Variants in ITPR2 observed in about 807,000 individuals in gnomAD.
ITPR2 encodes the protein inositol 1,4,5-trisphosphate receptor type 2, also known as inositol 1,4,5-trisphosphate-gated calcium channel ITPR2.
Under a neutral mutation model 317.1 loss-of-function variants are expected in ITPR2, and 207 were observed. The observed-to-expected ratio is 0.65, with a 90% CI of 0.58 to 0.73. ITPR2 has a LOEUF of 0.73. Ranked by LOEUF, ITPR2 falls within the 30% of genes least tolerant of loss-of-function variation. ITPR2 has a pLI of 0.00. For synonymous variants in ITPR2, 1,156 were observed against 1,149.1 expected, an observed-to-expected ratio of 1.01 and a Z score of -0.12; for missense variants, 2,613 against 3,284.0, an observed-to-expected ratio of 0.80 and a Z score of 4.99.
rs758860629 is a variant in ITPR2 at position 26,349,016 on chromosome 12, C to T, written c.7858-8688G>A. Among the ~76,000 whole-genome samples, 49 of 152,094 alleles carry T rather than the reference C, an allele frequency of 3.2e-4. No individual in the cohort carries two copies. In the Middle Eastern group the frequency reaches 0.014, roughly 42 times the overall value. On this transcript the variant is annotated intron_variant, in intron 55 of 56. Transcript: ENST00000381340. Reference sequence around the variant, plus strand: ...TTAAACAATTAACTGTGTGTGGTGGCGCACACCTATAGTCCAAGCTACTTG... The same window carrying T: ...TTAAACAATTAACTGTGTGTGGTGGTGCACACCTATAGTCCAAGCTACTTG...
intron 48 of ITPR2, among the ~76,000 whole-genome samples, chr12:26,430,642 T>C (rs894619076): frequency 6.6e-6 from 1 of 152,252 alleles, no homozygotes; most frequent in South Asian, 2.1e-4. Context: ...TAATACTTTA[T>C]ATATGTATCC....
intron 34 of ITPR2, among the ~76,000 whole-genome samples, chr12:26,573,222 G>A (rs1945205287): frequency 6.6e-6 from 1 of 151,944 alleles, no homozygotes; most frequent in Non-Finnish European, 1.5e-5. Context: ...TGCTGGGATT[G>A]TAGGCATGAG....
At chr12:26,352,612 C>T (rs1458989482) in intron 55 of ITPR2, among the ~76,000 whole-genome samples, 1 of 152,196 alleles carries the variant, frequency 6.6e-6, no homozygotes, top group East Asian at 1.9e-4. Context: ...GGTGATACCA[C>T]AGTAATGTCT....
chr12:26,499,302 T>G (rs1284451994), intron 37 of ITPR2, among the ~76,000 whole-genome samples: 4 of 152,214 alleles, frequency 2.6e-5, no homozygotes, highest in East Asian at 3.8e-4. Flanking sequence ...TATTCAATTA[T>G]AGCCCCATTA....
intron 37 of ITPR2, among the ~76,000 whole-genome samples, chr12:26,511,734 G>A (rs1565571200): frequency 6.6e-6 from 1 of 152,090 alleles, no homozygotes; most frequent in Non-Finnish European, 1.5e-5. Context: ...CAGCATATGT[G>A]GGACCAATGT....
chr12:26,656,427 A>G lies in ITPR2; in HGVS notation c.2314T>C (p.Phe772Leu). Residue 772 changes from phenylalanine (F) to leucine (L), a missense_variant, in exon 19 of 57, where the codon TTC (phenylalanine) becomes CTC (leucine). Coordinates refer to ENST00000381340, the MANE Select transcript of ITPR2 (RefSeq NM_002223.4). The part of the protein sequence containing the change: ...LRCVSDESLP[F>L]DLRASFCRLM... ...CGACAGAAGGACGCTCGGAGGTCGAACGGCAGGCTCTCATCCGACACACAC... is the reference window on the plus strand; with the variant it reads ...CGACAGAAGGACGCTCGGAGGTCGAGCGGCAGGCTCTCATCCGACACACAC... The G allele has an allele frequency of 1.2e-6, 2 of 1,614,210 alleles. No individual in the cohort carries two copies. The highest frequency in any genetic ancestry group is 1.6e-4 in the Middle Eastern group (1 of 6,062).
chr12:26,787,401 G>T (rs911229275), intron 2 of ITPR2, among the ~76,000 whole-genome samples: 1 of 152,186 alleles, frequency 6.6e-6, no homozygotes, highest in Non-Finnish European at 1.5e-5. Context: ...CAGAAGGATG[G>T]AGTGTCTGAA....
At chr12:26,807,605 C>T (rs1950660864) in intron 1 of ITPR2, among the ~76,000 whole-genome samples, 1 of 152,198 alleles carries the variant, frequency 6.6e-6, no homozygotes, top group Admixed American at 6.5e-5. Flanking sequence ...ATAATGCTCT[C>T]CTAGTTGTTG....
chr12:26,526,249 G>T (rs1299067158), intron 37 of ITPR2, among the ~76,000 whole-genome samples: 2 of 152,214 alleles, frequency 1.3e-5, no homozygotes, highest in Non-Finnish European at 2.9e-5. Context: ...AGAACTGGGG[G>T]AAGTTATTTT....
rs137888412 is a variant in ITPR2 at position 26,487,266 on chromosome 12, A to T, written c.5371-15T>A. 2 of 1,568,638 alleles carry T rather than the reference A, an allele frequency of 1.3e-6. No homozygotes were observed. Among genetic ancestry groups the T allele is most frequent in the Middle Eastern group, 1.7e-4 (1 of 5,796 alleles). ...TAGAAAGAATACTGCAAGAAAACAT[A>T]TTTTAAGACATCAATACCCAAGGGG... On this transcript the variant is annotated splice_polypyrimidine_tract_variant and intron_variant, in intron 39 of 56. Transcript: ENST00000381340.
intron 2 of ITPR2, among the ~76,000 whole-genome samples, chr12:26,755,979 C>T (rs544233065): frequency 3.0e-4 from 46 of 152,256 alleles, no homozygotes; most frequent in African/African-American, 1.1e-3. Flanking sequence ...CACAGCAGGG[C>T]TCAGCTCTAA....
rs1941433098 is a variant in ITPR2, at chr12:26,439,339, T to C, written c.6451-20A>G. ...GACAATCTGAAAACATTAATTTGCA[T>C]TGTTTTTAGCCTTTCGGACACCTCA... On this transcript the variant is annotated intron_variant, in intron 46 of 56. Coordinates refer to ENST00000381340, the MANE Select transcript of ITPR2 (RefSeq NM_002223.4). 1 of 1,576,842 alleles carries C rather than the reference T, an allele frequency of 6.3e-7. No individual in the cohort carries two copies. Among genetic ancestry groups the C allele is most frequent in the Non-Finnish European group, 8.6e-7 (1 of 1,159,424 alleles).
At chr12:26,538,671 G>T (rs1944170233) in intron 37 of ITPR2, among the ~76,000 whole-genome samples, 1 of 151,926 alleles carries the variant, frequency 6.6e-6, no homozygotes. Context: ...CCGCCTTCTG[G>T]GTACAAGCAA....
chr12:26,725,571 G>T, intron 3 of ITPR2, 79 bp downstream of exon 3: 1 of 939,234 alleles, frequency 1.1e-6, no homozygotes, highest in Non-Finnish European at 1.7e-6. Flanking sequence ...AAAGGACAAA[G>T]CTAGAAAGCT....
chr12:26,435,089 G>A (rs967768359), intron 48 of ITPR2, among the ~76,000 whole-genome samples: 2 of 152,036 alleles, frequency 1.3e-5, no homozygotes, highest in Non-Finnish European at 2.9e-5. Context: ...AAAAACAGTG[G>A]TTATTCATGA....
intron 32 of ITPR2, among the ~76,000 whole-genome samples, chr12:26,587,153 CATTT>C: frequency 6.6e-6 from 1 of 150,540 alleles, no homozygotes; most frequent in African/African-American, 2.4e-5. Context: ...CTTCATATGA[CATTT>C]ATTTATTTCA....
chr12:26,657,789 G>C lies in ITPR2; in HGVS notation c.2110C>G (p.Pro704Ala), dbSNP rs185574225. ...WLYWIDSNKE[P>A]HGKAIRHLAQ... Reference sequence around the variant, plus strand: ...AGGTGCCTGATAGCTTTGCCATGAGGTTCCTTGTTGCTGTCAATCCAATAG... The same window carrying C: ...AGGTGCCTGATAGCTTTGCCATGAGCTTCCTTGTTGCTGTCAATCCAATAG... The change falls in exon 18 of 57, where the codon CCT (proline) becomes GCT (alanine). Residue 704 changes from proline to alanine, a missense_variant. This residue lies in a region of ITPR2 where 817 missense variants were observed against 897.6 expected (regional missense o/e 0.91). Coordinates refer to ENST00000381340, the MANE Select transcript of ITPR2 (RefSeq NM_002223.4). 365 of 1,614,116 alleles carry C rather than the reference G, an allele frequency of 2.3e-4. No homozygotes were observed. The highest frequency in any genetic ancestry group is 2.9e-4 in the Non-Finnish European group (342 of 1,180,012).
intron 34 of ITPR2, among the ~76,000 whole-genome samples, chr12:26,564,338 A>C (rs1047527378): frequency 6.6e-6 from 1 of 152,218 alleles, no homozygotes; most frequent in Non-Finnish European, 1.5e-5. Flanking sequence ...AATATAAGAC[A>C]ACTTCCTTGA....
At position 26,812,504 on chromosome 12, in the gene ITPR2, G is replaced by A. The variant is rs191668989; in HGVS notation, c.92+20186C>T. ...TGAGGCAGGAGAATGGCGTGAACCCGTGAGGCGGAGCTTGCAGTGAGCTGA... is the reference window on the plus strand; with the variant it reads ...TGAGGCAGGAGAATGGCGTGAACCCATGAGGCGGAGCTTGCAGTGAGCTGA... On this transcript the variant is annotated intron_variant, in intron 1 of 56. Coordinates refer to ENST00000381340, the MANE Select transcript of ITPR2 (RefSeq NM_002223.4). Among the ~76,000 whole-genome samples the A allele has an allele frequency of 3.2e-4, 49 of 152,120 alleles. 1 individual carries two copies. Among genetic ancestry groups the A allele is most frequent in the African/African-American group, 1.1e-3 (45 of 41,500 alleles).
Sources: allele counts gnomAD v4.1 joint callset (sites outside exome capture counted in the v4.1 genomes callset), GRCh38; gene constraint gnomAD v4.1.1; regional missense constraint gnomAD v4.1.1; transcripts MANE v1.5; gene names NCBI Gene and HGNC (gene_info 2026-07-23, HGNC 2026-07-21).